Variants in IL1RAPL1 observed in about 807,000 individuals in gnomAD.
IL1RAPL1 encodes the protein interleukin 1 receptor accessory protein like 1.
In IL1RAPL1, 3 loss-of-function variants were observed where a neutral mutation model predicts 48.4. That is an observed-to-expected ratio of 0.06 (90% CI 0.03 to 0.16). The LOEUF (loss-of-function observed/expected upper bound fraction) is 0.16, where lower values mean the gene tolerates loss of function less well. Among genes scored for constraint, IL1RAPL1 ranks in the 10% least tolerant of loss-of-function variants. IL1RAPL1 has a pLI of 1.00. For synonymous variants in IL1RAPL1, 185 were observed against 187.7 expected (o/e 0.99, Z 0.12); for missense variants, 349 against 530.6 (o/e 0.66, Z 3.36).
intron 1 of IL1RAPL1, among the ~76,000 whole-genome samples, chrX:28,672,081 A>G (rs1934952078): frequency 8.9e-6 from 1 of 112,530 alleles, no homozygotes; most frequent in Admixed American, 9.4e-5. Flanking sequence ...CTGTATGGGT[A>G]TGATGGTATT....
intron 1 of IL1RAPL1, among the ~76,000 whole-genome samples, chrX:28,763,009 C>G (rs919629214): frequency 9.0e-6 from 1 of 111,331 alleles, no homozygotes; most frequent in African/African-American, 3.3e-5. Flanking sequence ...GGAACATTGA[C>G]ACAAATAACT....
At chrX:29,794,958 G>T (rs1569170337) in intron 6 of IL1RAPL1, among the ~76,000 whole-genome samples, 2 of 111,991 alleles carry the variant, frequency 1.8e-5, no homozygotes, top group East Asian at 5.6e-4. Flanking sequence ...AAATTCTTGG[G>T]TGGCATTTTT....
chrX:28,948,464 C>A (rs867934745), intron 2 of IL1RAPL1, among the ~76,000 whole-genome samples: 14 of 110,530 alleles, frequency 1.3e-4, no homozygotes, highest in Middle Eastern at 4.7e-3. Flanking sequence ...GATTGAACCC[C>A]ATGCAGAGAG....
chrX:28,898,892 A>G (rs1387046234), intron 2 of IL1RAPL1, among the ~76,000 whole-genome samples: 1 of 110,764 alleles, frequency 9.0e-6, no homozygotes, highest in African/African-American at 3.3e-5. Context: ...TGGGCTCAAG[A>G]GATCCTACCA....
intron 5 of IL1RAPL1, among the ~76,000 whole-genome samples, chrX:29,446,447 C>T (rs1934613479): frequency 1.8e-5 from 2 of 111,111 alleles, no homozygotes; most frequent in African/African-American, 6.5e-5. Context: ...CTTAGAAAAC[C>T]ATTTTTTAAG....
chrX:29,944,895 T>G (rs924848680), intron 9 of IL1RAPL1, among the ~76,000 whole-genome samples: 1 of 110,622 alleles, frequency 9.0e-6, no homozygotes, highest in African/African-American at 3.3e-5. Flanking sequence ...ATTTCAGACA[T>G]TCTTACCTGT....
intron 1 of IL1RAPL1, among the ~76,000 whole-genome samples, chrX:28,696,697 C>A (rs1052229872): frequency 1.8e-5 from 2 of 111,040 alleles, no homozygotes; most frequent in African/African-American, 3.3e-5. Context: ...TTTCACATTA[C>A]TTTTGTATTA....
rs146008704 is a variant in IL1RAPL1, at chrX:29,861,389, G to A, written c.779-56075G>A. ...GTCAGTATTTTAATAAACTTCCCAG[G>A]CAATTGTGATATGTAGTCACAGTTG... On this transcript the variant is annotated intron_variant, in intron 6 of 10. Transcript: ENST00000378993. Among the ~76,000 whole-genome samples the A allele has an allele frequency of 1.7e-3, 193 of 111,375 alleles. 1 individual carries two copies. Among genetic ancestry groups the A allele is most frequent in the African/African-American group, 5.9e-3 (181 of 30,661 alleles).
intron 5 of IL1RAPL1, among the ~76,000 whole-genome samples, chrX:29,652,919 CT>C (rs1925562383): frequency 8.9e-6 from 1 of 112,133 alleles, no homozygotes; most frequent in Non-Finnish European, 1.9e-5. Context: ...TTCTTCTACC[CT>C]AAAGTAAAAA....
chrX:28,604,285 T>C (rs978002890), intron 1 of IL1RAPL1, among the ~76,000 whole-genome samples: 2 of 111,847 alleles, frequency 1.8e-5, no homozygotes, highest in African/African-American at 6.5e-5. Flanking sequence ...GAATTCACAT[T>C]TGGATCAAGG....
chrX:29,771,916 A>G (rs1447700172), intron 6 of IL1RAPL1, among the ~76,000 whole-genome samples: 3 of 111,457 alleles, frequency 2.7e-5, no homozygotes, highest in African/African-American at 9.8e-5. Context: ...GACGTCTTAC[A>G]TGGCAGCAGG....
intron 2 of IL1RAPL1, among the ~76,000 whole-genome samples, chrX:28,799,350 T>C (rs1936648654): frequency 8.9e-6 from 1 of 112,347 alleles, no homozygotes; most frequent in Admixed American, 9.4e-5. Flanking sequence ...AGATTTTATC[T>C]TGAGAACAAA....
At chrX:29,662,041 T>C (rs1473276090) in intron 5 of IL1RAPL1, among the ~76,000 whole-genome samples, 1 of 111,563 alleles carries the variant, frequency 9.0e-6, no homozygotes, top group African/African-American at 3.3e-5. Flanking sequence ...CTTGGGGCTC[T>C]CTTATTTTTA....
intron 2 of IL1RAPL1, among the ~76,000 whole-genome samples, chrX:28,793,970 A>ATGACTTAG (rs1264193334): frequency 9.0e-6 from 1 of 111,685 alleles, no homozygotes; most frequent in Admixed American, 9.6e-5. Flanking sequence ...TAATGACTTA[A>ATGACTTAG]TGACTGCATG....
At chrX:28,597,133 G>T (rs1933964137) in intron 1 of IL1RAPL1, among the ~76,000 whole-genome samples, 1 of 111,423 alleles carries the variant, frequency 9.0e-6, no homozygotes, top group Admixed American at 9.6e-5. Flanking sequence ...GGGGGTATAT[G>T]ATATGAAATG....
intron 6 of IL1RAPL1, among the ~76,000 whole-genome samples, chrX:29,830,362 A>G (rs1158497573): frequency 9.0e-6 from 1 of 110,891 alleles, no homozygotes; most frequent in Non-Finnish European, 1.9e-5. Context: ...TTGTGCTAAT[A>G]TTTTAAGTAA....
At chrX:29,433,692 A>C (rs1197779797) in intron 5 of IL1RAPL1, among the ~76,000 whole-genome samples, 1 of 111,544 alleles carries the variant, frequency 9.0e-6, no homozygotes, top group Admixed American at 9.5e-5. Context: ...ATAGACACAA[A>C]GTAAGTCTTC....
chrX:29,458,784 G>A (rs1934770248), intron 5 of IL1RAPL1, among the ~76,000 whole-genome samples: 2 of 109,147 alleles, frequency 1.8e-5, no homozygotes, highest in Non-Finnish European at 3.8e-5. Context: ...GAACTCCTGG[G>A]CTCAAGTGAT....
At position 28,906,437 on chromosome X, in the gene IL1RAPL1, A is replaced by G. The variant is rs751743618; in HGVS notation, c.82+117012A>G. Among the ~76,000 whole-genome samples, 363 of 112,003 alleles carry G rather than the reference A, an allele frequency of 3.2e-3. 3 individuals are homozygous for G. Among genetic ancestry groups the G allele is most frequent in the Non-Finnish European group, 5.9e-3 (311 of 53,154 alleles). ...AGTGTGGTAGGAGATCAAGTCAGAG[A>G]CGTAATGAGGTAATAGGAAACTTGG... On this transcript the variant is annotated intron_variant, in intron 2 of 10. Transcript: ENST00000378993.
Sources: gnomAD v4.1 joint callset for allele counts (sites outside exome capture counted in the v4.1 genomes callset) on GRCh38, gnomAD v4.1.1 for gene constraint, MANE v1.5 for transcripts, NCBI Gene and HGNC (gene_info 2026-07-23, HGNC 2026-07-21) for gene names.